The following METTL9 variants were observed in gnomAD, a reference collection of about 807,000 sequenced individuals.
METTL9 encodes the protein protein-L-histidine N-pros-methyltransferase.
A neutral mutation model predicts 36.0 loss-of-function variants in METTL9; 10 were observed. The observed-to-expected ratio is 0.28, with a 90% CI of 0.17 to 0.47. The LOEUF (loss-of-function observed/expected upper bound fraction) is 0.47. Ranked by LOEUF, METTL9 falls within the 20% of genes least tolerant of loss-of-function variation. The pLI is 0.99. For synonymous variants in METTL9, 175 were observed against 149.7 expected (o/e 1.17, Z -1.23); for missense variants, 246 against 383.5 (o/e 0.64, Z 3.00).
At chr16:21,641,093 G>A (rs1966252170) in intron 4 of METTL9, 1 of 153,398 alleles carries the variant, frequency 6.5e-6, no homozygotes, top group Admixed American at 6.5e-5. Context: ...TTACTAAGGT[G>A]CTTTTCAAAA....
chr16:21,657,339 T>A lies in METTL9; in HGVS notation c.*1907T>A, dbSNP rs1966733007. On this transcript the variant is annotated 3_prime_UTR_variant, in exon 5 of 5. Coordinates refer to ENST00000358154, the MANE Select transcript of METTL9 (RefSeq NM_016025.5). ...TCCACTCACATTTCCTATCGGGTCTTGAAATTCTTGGTGGTGTGTCACCAT... is the reference window on the plus strand; with the variant it reads ...TCCACTCACATTTCCTATCGGGTCTAGAAATTCTTGGTGGTGTGTCACCAT... The A allele has an allele frequency of 6.6e-6, 1 of 152,142 alleles. No homozygotes were observed. The highest frequency in any genetic ancestry group is 2.4e-5 in the African/African-American group (1 of 41,422). The allele number at this position is 152,142 out of a possible 1,614,324, so 9.4% of individuals were successfully genotyped here.
chr16:21,614,789 C>T (rs1422601711), intron 2 of METTL9, among the ~76,000 whole-genome samples: 3 of 152,162 alleles, frequency 2.0e-5, no homozygotes, highest in Admixed American at 2.0e-4. Context: ...GGAAGAGGTG[C>T]ATCTCTCCGT....
intron 1 of METTL9, 101 bp from the exon 2 acceptor site, chr16:21,612,544 T>C: frequency 9.0e-7 from 1 of 1,114,382 alleles, no homozygotes; most frequent in Non-Finnish European, 1.2e-6. Flanking sequence ...TTTGGAAATC[T>C]TAGATGTGAT....
At chr16:21,649,378 CAA>C (rs1050340193) in intron 4 of METTL9, among the ~76,000 whole-genome samples, 1 of 152,104 alleles carries the variant, frequency 6.6e-6, no homozygotes, top group African/African-American at 2.4e-5. Flanking sequence ...GCAAACCAGA[CAA>C]GAGGGTGCAG....
intron 3 of METTL9, among the ~76,000 whole-genome samples, chr16:21,621,363 A>G (rs1467364330): frequency 1.3e-5 from 2 of 151,138 alleles, no homozygotes; most frequent in Non-Finnish European, 2.9e-5. Flanking sequence ...GTCTCGCTCC[A>G]TCACCAGGCT....
At chr16:21,624,303 T>C (rs990007022) in intron 3 of METTL9, among the ~76,000 whole-genome samples, 3 of 152,226 alleles carry the variant, frequency 2.0e-5, no homozygotes, top group African/African-American at 7.2e-5. Context: ...TTAACTGATA[T>C]TCAAAAGAAT....
Position 21,599,846 on chromosome 16 carries a change from G to C in METTL9, c.113G>C (p.Ser38Thr), listed in dbSNP as rs1267042537. Residue 38 changes from serine to threonine, a missense_variant, in exon 1 of 5, where the codon AGC becomes ACC. Around this residue, in one of 2 missense-constraint regions of METTL9, gnomAD observed 100 missense variants for 81.4 expected, o/e 1.23. Transcript: ENST00000358154. This position sits in a 1 kb window ranked among gnomAD's most constrained non-coding sequence, Gnocchi z 4.4. The stretch of plus-strand genomic sequence containing the variant: ...CGCTCCCTGTACGTGAACATGACTA[G>C]CGGCCCGGGTGGGCCGGCGGCGGCC... ...LTRSLYVNMTSGPGGPAAAAG... is the reference protein window; with the variant it reads ...LTRSLYVNMTTGPGGPAAAAG... The C allele has an allele frequency of 1.3e-6, 2 of 1,521,690 alleles. No individual in the cohort carries two copies. Among genetic ancestry groups the C allele is most frequent in the Admixed American group, 4.1e-5 (2 of 48,360 alleles). The allele number at this position is 1,521,690 out of a possible 1,614,324, so 94.3% of individuals were successfully genotyped here. A position where few individuals can be genotyped will look rare whatever the true frequency, so the allele number is the denominator to read the frequency against.
chr16:21,614,122 G>C (rs557008508), intron 2 of METTL9, among the ~76,000 whole-genome samples: 1 of 152,060 alleles, frequency 6.6e-6, no homozygotes, highest in Non-Finnish European at 1.5e-5. Flanking sequence ...ATTGCCATAC[G>C]TTTGCTTTGG....
rs542938944 is a variant in METTL9, at chr16:21,644,231, T to C, written c.752-10996T>C. 445 of 1,210,202 alleles carry C rather than the reference T, an allele frequency of 3.7e-4. 4 individuals carry two copies. In the South Asian group the frequency reaches 5.2e-3, roughly 14 times the overall value. 75.0% of individuals were successfully genotyped at this position (1,210,202 alleles called of 1,614,324 possible). Reference sequence around the variant, plus strand: ...TAACTTGTGGAGAGATAGAAATTATTTTTCTTTTGATAATATTCAAGGATA... The same window carrying C: ...TAACTTGTGGAGAGATAGAAATTATCTTTCTTTTGATAATATTCAAGGATA... On this transcript the variant is annotated intron_variant, in intron 4 of 4. Coordinates refer to ENST00000358154, the MANE Select transcript of METTL9 (RefSeq NM_016025.5).
At chr16:21,597,890 G>C (rs1364398668), upstream of METTL9, 1 of 152,444 alleles carries the variant, frequency 6.6e-6, no homozygotes, top group Non-Finnish European at 1.5e-5. Context: ...TGGGCTTTTC[G>C]GGGTTTTGGC....
intron 4 of METTL9, among the ~76,000 whole-genome samples, chr16:21,644,794 A>C (rs1316011040): frequency 2.0e-5 from 3 of 152,214 alleles, no homozygotes; most frequent in Non-Finnish European, 2.9e-5. Context: ...TGTGGTTAAG[A>C]TATTTTCATA....
At chr16:21,633,979 C>G (rs1044481349) in intron 4 of METTL9, among the ~76,000 whole-genome samples, 9 of 152,104 alleles carry the variant, frequency 5.9e-5, no homozygotes, top group Admixed American at 1.3e-4. Flanking sequence ...GTAACTTGTT[C>G]CCCATATTCA....
At chr16:21,644,334 C>T in intron 4 of METTL9, 2 of 1,614,024 alleles carry the variant, frequency 1.2e-6, no homozygotes, top group Middle Eastern at 1.6e-4. Context: ...GTCACATAGA[C>T]AGAGAGCAGT....
At chr16:21,643,685 C>A in intron 4 of METTL9, 1 of 829,596 alleles carries the variant, frequency 1.2e-6, no homozygotes, top group Non-Finnish European at 2.0e-6. Context: ...TAAGATTAAA[C>A]TAACTTAATA....
chr16:21,606,873 T>G lies in METTL9; in HGVS notation c.166-5772T>G, dbSNP rs1004421234. On this transcript the variant is annotated intron_variant, in intron 1 of 4. Transcript: ENST00000358154. ...TAGTGTGCTTAAATCCTTTGTATTTTGGGAATGTTGTATTTTGGATATGTT... is the reference window on the plus strand; with the variant it reads ...TAGTGTGCTTAAATCCTTTGTATTTGGGGAATGTTGTATTTTGGATATGTT... Among the ~76,000 whole-genome samples the G allele has an allele frequency of 2.0e-5, 3 of 152,228 alleles. No individual in the cohort carries two copies. In the East Asian group the frequency reaches 5.8e-4, roughly 29 times the overall value.
At chr16:21,654,546 T>A (rs1205528514) in intron 4 of METTL9, 1 of 152,346 alleles carries the variant, frequency 6.6e-6, no homozygotes, top group East Asian at 1.9e-4. Flanking sequence ...AAATGACTGA[T>A]AGAGGCTTCA....
rs559035735 is a variant in METTL9, at chr16:21,633,027, TCTC to T, written c.751+7916_751+7918del. On this transcript the variant is annotated intron_variant, in intron 4 of 4. Transcript: ENST00000358154. ...ACTAGATGAGTATTTGCTCTCTGGG[TCTC>T]CTCGATTAGAGTATAGAGGGGCCTG... 3.6e-4 allele frequency among the ~76,000 whole-genome samples: 55 copies of T among 152,242 alleles called. No individual in the cohort carries two copies. In the South Asian group the frequency reaches 0.011, roughly 32 times the overall value.
rs765563113 is a variant in METTL9, at chr16:21,624,964, G to A, written c.600G>A (p.Gly200=). 1.9e-6 allele frequency: 3 copies of A among 1,614,060 alleles called. No homozygotes were observed. The African/African-American group carries it at 4.0e-5, about 22-fold the overall frequency. The change falls in exon 4 of 5, where the codon GGG becomes GGA. Residue 200 remains glycine, a synonymous_variant. Transcript: ENST00000358154. ...GTATAAATGAATGGCAGAATACGGG[G>A]TTCCAGTATGATGTCATCAGCTGCC... The part of the protein sequence containing the change: ...VLGINEWQNT[G]FQYDVISCLN...
chr16:21,639,251 A>G (rs1474065745), intron 4 of METTL9, among the ~76,000 whole-genome samples: 2 of 152,070 alleles, frequency 1.3e-5, no homozygotes, highest in African/African-American at 2.4e-5. Context: ...TTCAAAATCA[A>G]TCTTTGAAAC....
Sources: gnomAD v4.1 joint callset for allele counts (sites outside exome capture counted in the v4.1 genomes callset) on GRCh38, gnomAD v4.1.1 for gene constraint, gnomAD v4.1.1 regional missense constraint, Gnocchi (gnomAD v3.1) non-coding constraint, MANE v1.5 for transcripts, NCBI Gene and HGNC (gene_info 2026-07-23, HGNC 2026-07-21) for gene names.